The following CNTNAP5 variants were observed in gnomAD, a reference collection of about 807,000 sequenced individuals.
CNTNAP5 encodes contactin associated protein family member 5, also known as contactin-associated protein-like 5.
A neutral mutation model predicts 150.2 loss-of-function variants in CNTNAP5; 72 were observed. That is an observed-to-expected ratio of 0.48 (90% CI 0.40 to 0.58). The LOEUF (loss-of-function observed/expected upper bound fraction) is 0.58. Ranked by LOEUF, CNTNAP5 falls within the 20% of genes least tolerant of loss-of-function variation. The pLI is 0.00. For missense variants in CNTNAP5, 1,636 were observed against 1,626.2 expected, an observed-to-expected ratio of 1.01 and a Z score of -0.10; for synonymous variants, 672 against 619.8, an observed-to-expected ratio of 1.08 and a Z score of -1.25.
At chr2:124,039,590 T>A (rs1681312214) in intron 1 of CNTNAP5, among the ~76,000 whole-genome samples, 1 of 152,172 alleles carries the variant, frequency 6.6e-6, no homozygotes, top group Non-Finnish European at 1.5e-5. Flanking sequence ...AATAAAATTG[T>A]CACACACCTG....
At chr2:124,059,823 G>A (rs954924289) in intron 1 of CNTNAP5, among the ~76,000 whole-genome samples, 2 of 152,042 alleles carry the variant, frequency 1.3e-5, no homozygotes, top group Admixed American at 1.3e-4. Context: ...GCAAGAGCCT[G>A]TGAATTCCAA....
chr2:124,739,987 AC>A (rs1386529396), intron 13 of CNTNAP5, among the ~76,000 whole-genome samples: 1 of 151,934 alleles, frequency 6.6e-6, no homozygotes, highest in Non-Finnish European at 1.5e-5. Flanking sequence ...TATATCACTC[AC>A]GTATTACACC....
chr2:124,828,868 C>T (rs1312188172), intron 19 of CNTNAP5, among the ~76,000 whole-genome samples: 1 of 149,594 alleles, frequency 6.7e-6, no homozygotes, highest in Non-Finnish European at 1.5e-5. Flanking sequence ...TTCAGAGAAG[C>T]TGTCAGACTT....
At chr2:124,497,452 A>G (rs1694176892) in intron 7 of CNTNAP5, among the ~76,000 whole-genome samples, 1 of 152,234 alleles carries the variant, frequency 6.6e-6, no homozygotes, top group African/African-American at 2.4e-5. Flanking sequence ...TAGCAGAAAT[A>G]TAAGGCAAAG....
At chr2:124,195,461 C>T (rs974404321) in intron 1 of CNTNAP5, among the ~76,000 whole-genome samples, 20 of 152,200 alleles carry the variant, frequency 1.3e-4, no homozygotes, top group South Asian at 1.0e-3. Context: ...CCCACAGCAC[C>T]GACAGAAGCC....
chr2:124,484,544 G>C (rs1308411628), intron 7 of CNTNAP5, among the ~76,000 whole-genome samples: 1 of 152,116 alleles, frequency 6.6e-6, no homozygotes, highest in Non-Finnish European at 1.5e-5. Context: ...CATATATAAA[G>C]TGACTCCTAG....
intron 7 of CNTNAP5, among the ~76,000 whole-genome samples, chr2:124,500,226 C>T (rs532188359): frequency 2.1e-4 from 32 of 152,158 alleles, no homozygotes; most frequent in East Asian, 7.7e-4. Flanking sequence ...ATGTTTAATC[C>T]GGGCACCTCA....
chr2:124,815,523 G>A (rs935182182), intron 19 of CNTNAP5, among the ~76,000 whole-genome samples: 1 of 152,144 alleles, frequency 6.6e-6, no homozygotes, highest in African/African-American at 2.4e-5. Context: ...CAGAGCGGCC[G>A]AGCTTTCGTC....
At chr2:124,889,851 C>T (rs756487391) in intron 21 of CNTNAP5, among the ~76,000 whole-genome samples, 19 of 151,898 alleles carry the variant, frequency 1.3e-4, no homozygotes, top group African/African-American at 3.4e-4. Flanking sequence ...ACAGTATTAT[C>T]GCCACTGTTA....
chr2:124,529,860 G>A (rs1168541957), intron 10 of CNTNAP5, among the ~76,000 whole-genome samples: 2 of 152,116 alleles, frequency 1.3e-5, no homozygotes, highest in Non-Finnish European at 2.9e-5. Context: ...GCCTCCATTT[G>A]CCTCTTTGTG....
At position 124,737,649 on chromosome 2, in the gene CNTNAP5, G is replaced by T. The variant is rs2105134134; in HGVS notation, c.2078-9580G>T. On this transcript the variant is annotated intron_variant, in intron 13 of 23. Transcript: ENST00000682447. ...GAAATTTCAATCAGAGGTAAATCAA[G>T]TGATCCTTACTTTAAAAGTCCCTTT... is the stretch of plus-strand genomic sequence containing the variant. Among the ~76,000 whole-genome samples the T allele has an allele frequency of 2.0e-5, 3 of 152,284 alleles. 1 individual carries two copies.
At chr2:124,151,731 C>A (rs1684409773) in intron 1 of CNTNAP5, among the ~76,000 whole-genome samples, 1 of 152,208 alleles carries the variant, frequency 6.6e-6, no homozygotes, top group Non-Finnish European at 1.5e-5. Flanking sequence ...TAATTCACCC[C>A]TGTCTCCCTA....
intron 3 of CNTNAP5, among the ~76,000 whole-genome samples, chr2:124,331,244 T>C (rs1033914708): frequency 3.9e-5 from 6 of 152,170 alleles, no homozygotes; most frequent in Non-Finnish European, 8.8e-5. Flanking sequence ...TATCTGATGG[T>C]AGTTCATTAT....
At chr2:124,846,423 T>A (rs1683049247) in intron 19 of CNTNAP5, among the ~76,000 whole-genome samples, 1 of 152,172 alleles carries the variant, frequency 6.6e-6, no homozygotes. Flanking sequence ...CCAGGAGTTG[T>A]AATTGTTTTT....
At chr2:124,500,916 C>G (rs1694264826) in intron 7 of CNTNAP5, among the ~76,000 whole-genome samples, 1 of 152,128 alleles carries the variant, frequency 6.6e-6, no homozygotes, top group Non-Finnish European at 1.5e-5. Context: ...TCTGGAACAG[C>G]AGTCACAGTC....
At chr2:124,068,040 G>T (rs73952586) in intron 1 of CNTNAP5, among the ~76,000 whole-genome samples, 2,093 of 152,174 alleles carry the variant, frequency 0.014, 54 homozygotes, top group African/African-American at 0.048. Context: ...AGAATAGAAA[G>T]CTCTACCAAT....
At chr2:124,790,862 T>C (rs1242285773) in intron 18 of CNTNAP5, among the ~76,000 whole-genome samples, 2 of 152,238 alleles carry the variant, frequency 1.3e-5, no homozygotes, top group East Asian at 3.9e-4. Context: ...TCAAGATACC[T>C]CAAGAAACTA....
intron 3 of CNTNAP5, among the ~76,000 whole-genome samples, chr2:124,359,445 G>A (rs1422342890): frequency 1.3e-5 from 2 of 151,772 alleles, no homozygotes; most frequent in African/African-American, 4.9e-5. Flanking sequence ...GGCATTTAGT[G>A]CTATAAATTT....
At chr2:124,706,798 G>GAAGAAGAAGAAGAAGAAGAAGA (rs1558743008) in intron 13 of CNTNAP5, among the ~76,000 whole-genome samples, 1 of 7,326 alleles carries the variant, frequency 1.4e-4, no homozygotes. Flanking sequence ...GAAGAAGAAG[G>GAAGAAGAAGAAGAAGAAGAAGA]AGGAGGAGGA....
Sources: gnomAD v4.1 joint callset for allele counts (sites outside exome capture counted in the v4.1 genomes callset) on GRCh38, gnomAD v4.1.1 for gene constraint, MANE v1.5 for transcripts, NCBI Gene and HGNC (gene_info 2026-07-23, HGNC 2026-07-21) for gene names.